Variants in STK24 observed in about 807,000 individuals in gnomAD.
The protein encoded by STK24 is serine/threonine-protein kinase 24.
A neutral mutation model predicts 55.6 loss-of-function variants in STK24; 21 were observed. That is an observed-to-expected ratio of 0.38 (90% CI 0.27 to 0.54). STK24 has a LOEUF of 0.54. Ranked by LOEUF, STK24 falls within the 20% of genes least tolerant of loss-of-function variation. The pLI, the probability that STK24 is intolerant of heterozygous loss-of-function variation, is 0.79. For synonymous variants in STK24, 200 were observed against 215.2 expected (o/e 0.93, Z 0.62); for missense variants, 383 against 538.4 (o/e 0.71, Z 2.86).
chr13:98,569,290 T>A (rs1036749044), intron 1 of STK24, among the ~76,000 whole-genome samples: 6 of 151,586 alleles, frequency 4.0e-5, no homozygotes, highest in Admixed American at 2.6e-4. Flanking sequence ...AAATATCAAC[T>A]GAGGGAGAAG....
rs557829056 is a variant in STK24, at chr13:98,521,133, TAC to T, written c.43-1662_43-1661del. The stretch of plus-strand genomic sequence containing the variant: ...ACGAGCGGCCAGGGATTACAAGGAC[TAC>T]AGTTTTAGCCATGATCCCCCTTGGC... On this transcript the variant is annotated intron_variant, in intron 1 of 10. Transcript: ENST00000539966. Among the ~76,000 whole-genome samples the T allele has an allele frequency of 5.9e-5, 9 of 152,332 alleles. No individual in the cohort carries two copies. In the East Asian group the frequency reaches 1.5e-3, roughly 26 times the overall value.
chr13:98,555,240 C>G (rs1362810375), intron 1 of STK24, among the ~76,000 whole-genome samples: 1 of 152,114 alleles, frequency 6.6e-6, no homozygotes, highest in Admixed American at 6.5e-5. Context: ...ACAATATGCC[C>G]TGCCTTCCAG....
chr13:98,493,235 T>G (rs60308074), intron 2 of STK24, among the ~76,000 whole-genome samples: 2,690 of 152,320 alleles, frequency 0.018, 90 homozygotes, highest in African/African-American at 0.061. Flanking sequence ...CGTGTGTGCG[T>G]GTGCTCGCGT....
intron 1 of STK24, among the ~76,000 whole-genome samples, chr13:98,539,009 C>T (rs1365474756): frequency 2.6e-5 from 4 of 152,328 alleles, no homozygotes; most frequent in Middle Eastern, 3.4e-3. Context: ...AAGGAAAGGG[C>T]GACAGCCAAG....
At chr13:98,538,181 GTATT>G (rs377537642) in intron 1 of STK24, among the ~76,000 whole-genome samples, 24,595 of 147,736 alleles carry the variant, frequency 0.17, 2,091 homozygotes, top group African/African-American at 0.18. Flanking sequence ...GAAGGAAAGG[GTATT>G]CTCCATCGGC....
chr13:98,558,842 C>A (rs1440332006), intron 1 of STK24, among the ~76,000 whole-genome samples: 1 of 151,832 alleles, frequency 6.6e-6, no homozygotes, highest in African/African-American at 2.4e-5. Flanking sequence ...ACAATGGTGA[C>A]CACAGAAGTA....
At chr13:98,513,466 C>T (rs7326927) in intron 2 of STK24, among the ~76,000 whole-genome samples, 6,480 of 152,110 alleles carry the variant, frequency 0.043, 440 homozygotes, top group African/African-American at 0.15. Context: ...TAGTGGCAGC[C>T]GAAACATCTG....
Position 98,447,531 on chromosome 13 carries a change from C to G in STK24, c.*5642G>C, listed in dbSNP as rs376320537. On this transcript the variant is annotated 3_prime_UTR_variant, in exon 11 of 11. Transcript: ENST00000539966. Reference sequence around the variant, plus strand: ...AGGCCAGGTAATTTGGGGAGTCCGTCCTGCATTGTGCAGGATGTTCAGCGG... The same window carrying G: ...AGGCCAGGTAATTTGGGGAGTCCGTGCTGCATTGTGCAGGATGTTCAGCGG... The G allele has an allele frequency of 6.6e-6, 1 of 152,584 alleles. No individual in the cohort carries two copies. The highest frequency in any genetic ancestry group is 2.4e-5 in the African/African-American group (1 of 41,442). 9.5% of individuals were successfully genotyped at this position (152,584 alleles called of 1,614,324 possible).
chr13:98,446,771 T>A lies in STK24; in HGVS notation c.*6402A>T. On this transcript the variant is annotated 3_prime_UTR_variant, in exon 11 of 11. Transcript: ENST00000539966. ...CTACGTGTTCAAGCTGCACTTCAAG[T>A]CCCACGTCTACTACTTCAGGGCGGA... 1 of 1,614,076 alleles carries A rather than the reference T, an allele frequency of 6.2e-7. No individual in the cohort carries two copies. Among genetic ancestry groups the A allele is most frequent in the Non-Finnish European group, 8.5e-7 (1 of 1,180,010 alleles).
intron 9 of STK24, 34 bp downstream of exon 9, chr13:98,460,338 C>G (rs1356128848): frequency 6.3e-7 from 1 of 1,587,154 alleles, no homozygotes; most frequent in East Asian, 2.2e-5. Flanking sequence ...TTCCCCCTCC[C>G]CTCCCACTCC....
intron 1 of STK24, among the ~76,000 whole-genome samples, chr13:98,550,096 C>T (rs1354804830): frequency 5.3e-5 from 8 of 152,234 alleles, no homozygotes; most frequent in East Asian, 1.9e-4. Flanking sequence ...AGGGTTGTAA[C>T]ACTGCAGGCT....
chr13:98,537,947 A>T (rs1896780214), intron 1 of STK24, among the ~76,000 whole-genome samples: 1 of 152,064 alleles, frequency 6.6e-6, no homozygotes, highest in Non-Finnish European at 1.5e-5. Flanking sequence ...TGGCCCAACC[A>T]CTTCCATGAT....
At chr13:98,504,477 C>T (rs1176714989) in intron 2 of STK24, among the ~76,000 whole-genome samples, 3 of 152,330 alleles carry the variant, frequency 2.0e-5, no homozygotes, top group South Asian at 2.1e-4. Context: ...AGACTCAGGT[C>T]GTGGTGACCA....
At chr13:98,474,744 G>C in intron 5 of STK24, 77 bp downstream of exon 5, 1 of 1,507,800 alleles carries the variant, frequency 6.6e-7, no homozygotes, top group East Asian at 2.3e-5. Context: ...ACTTAGAAAA[G>C]CTACCAGGCT....
At chr13:98,538,506 T>C (rs1386810923) in intron 1 of STK24, among the ~76,000 whole-genome samples, 1 of 152,158 alleles carries the variant, frequency 6.6e-6, no homozygotes, top group Non-Finnish European at 1.5e-5. Context: ...ATTACAGGCA[T>C]GAGCCACCGC....
chr13:98,576,313 C>T (rs950202452), intron 1 of STK24: 43 of 795,842 alleles, frequency 5.4e-5, no homozygotes, highest in Non-Finnish European at 6.1e-5. Context: ...GGGTGGGGGA[C>T]GAGCCTGGGG....
chr13:98,469,525 G>C (rs1210481685), intron 5 of STK24, among the ~76,000 whole-genome samples: 2 of 141,562 alleles, frequency 1.4e-5, no homozygotes, highest in African/African-American at 5.4e-5. Flanking sequence ...GACAGAGCAA[G>C]ACCCTGCATC....
intron 1 of STK24, among the ~76,000 whole-genome samples, chr13:98,539,514 T>G (rs1896827941): frequency 1.3e-5 from 2 of 152,056 alleles, no homozygotes; most frequent in South Asian, 4.1e-4. Flanking sequence ...GGCTTTGGAG[T>G]CAGGCTGGCC....
intron 2 of STK24, among the ~76,000 whole-genome samples, 177 bp from the exon 3 acceptor site, chr13:98,482,498 A>AC (rs35645718): frequency 6.6e-6 from 1 of 152,186 alleles, no homozygotes; most frequent in Non-Finnish European, 1.5e-5. Flanking sequence ...GTGCAGGGAC[A>AC]CCCCCATCAT....
Sources: gnomAD v4.1 joint callset for allele counts (sites outside exome capture counted in the v4.1 genomes callset) on GRCh38, gnomAD v4.1.1 for gene constraint, MANE v1.5 for transcripts, NCBI Gene and HGNC (gene_info 2026-07-23, HGNC 2026-07-21) for gene names.